SLC39A9: variants seen among roughly 807,000 people sequenced by gnomAD.
The protein encoded by SLC39A9 is zinc transporter ZIP9.
SLC39A9 carries 14 observed loss-of-function variants against 28.4 expected under a neutral mutation model. The ratio of observed to expected loss-of-function variants is 0.49; its 90% CI spans 0.33 to 0.77. SLC39A9 has a LOEUF of 0.77. Ranked by LOEUF, SLC39A9 falls within the 30% of genes least tolerant of loss-of-function variation. The pLI is 0.02. For missense variants in SLC39A9, 283 were observed against 381.1 expected (o/e 0.74, Z 2.14); for synonymous variants, 119 against 149.6 (o/e 0.80, Z 1.49).
At chr14:69,453,366 G>A (rs1249231066) in intron 4 of SLC39A9, 57 bp downstream of exon 4, 3 of 1,524,714 alleles carry the variant, frequency 2.0e-6, no homozygotes, top group African/African-American at 2.7e-5. Context: ...GGAGACCTTA[G>A]TGTTTATATT....
At chr14:69,426,501 G>A (rs1884198384) in intron 2 of SLC39A9, among the ~76,000 whole-genome samples, 1 of 152,202 alleles carries the variant, frequency 6.6e-6, no homozygotes, top group Admixed American at 6.5e-5. Flanking sequence ...CTGTGGAGTT[G>A]GGGTGCGCCA....
At position 69,461,793 on chromosome 14, in the gene SLC39A9, A is replaced by G; in HGVS notation, c.*3200A>G. The G allele has an allele frequency of 6.6e-7, 1 of 1,512,528 alleles. No homozygotes were observed. Among genetic ancestry groups the G allele is most frequent in the Non-Finnish European group, 8.8e-7 (1 of 1,130,276 alleles). The allele number at this position is 1,512,528 out of a possible 1,614,324, so 93.7% of individuals were successfully genotyped here. A position where few individuals can be genotyped will look rare whatever the true frequency, so the allele number is the denominator to read the frequency against. ...AACACAGGAACCGTATGACAGCAGC[A>G]CAAACCCCCAAAGGATGTTCCTGCC... is the stretch of plus-strand genomic sequence containing the variant. On this transcript the variant is annotated 3_prime_UTR_variant, in exon 7 of 7. Coordinates refer to ENST00000336643, the MANE Select transcript of SLC39A9 (RefSeq NM_018375.5).
intron 1 of SLC39A9, among the ~76,000 whole-genome samples, chr14:69,417,154 T>C (rs1404056381): frequency 6.6e-6 from 1 of 152,194 alleles, no homozygotes; most frequent in African/African-American, 2.4e-5. Context: ...TTGTATAAGG[T>C]GTAAGGAAGG....
At chr14:69,425,601 T>G (rs1372341336) in intron 2 of SLC39A9, among the ~76,000 whole-genome samples, 1 of 152,154 alleles carries the variant, frequency 6.6e-6, no homozygotes, top group African/African-American at 2.4e-5. Context: ...TGTGTTATTT[T>G]TAATATCAAT....
At chr14:69,422,362 C>CAGGT (rs555794795) in intron 1 of SLC39A9, among the ~76,000 whole-genome samples, 50 of 152,266 alleles carry the variant, frequency 3.3e-4, no homozygotes, top group African/African-American at 1.2e-3. Flanking sequence ...TCTGGGACAA[C>CAGGT]AGGTACGTAC....
At position 69,459,778 on chromosome 14, in the gene SLC39A9, C is replaced by G; in HGVS notation, c.*1185C>G. 1 of 985,328 alleles carries G rather than the reference C, an allele frequency of 1.0e-6. No individual in the cohort carries two copies. Among genetic ancestry groups the G allele is most frequent in the Non-Finnish European group, 1.2e-6 (1 of 829,910 alleles). The allele number at this position is 985,328 out of a possible 1,614,324, so 61.0% of individuals were successfully genotyped here. A position where few individuals can be genotyped will look rare whatever the true frequency, so the allele number is the denominator to read the frequency against. On this transcript the variant is annotated 3_prime_UTR_variant, in exon 7 of 7. Transcript: ENST00000336643. ...TTCTTCTAACTTTTCCCTCTAGCCTCTCCTCGCCACAATTTGCTGCTTACT... is the reference window on the plus strand; with the variant it reads ...TTCTTCTAACTTTTCCCTCTAGCCTGTCCTCGCCACAATTTGCTGCTTACT...
intron 1 of SLC39A9, among the ~76,000 whole-genome samples, chr14:69,413,280 C>T (rs1022178917): frequency 1.3e-5 from 2 of 151,774 alleles, no homozygotes; most frequent in Admixed American, 6.6e-5. Flanking sequence ...GGCATGAACC[C>T]GGGAGGTGGA....
chr14:69,452,003 A>C (rs1885634991), intron 3 of SLC39A9, among the ~76,000 whole-genome samples: 1 of 152,118 alleles, frequency 6.6e-6, no homozygotes, highest in African/African-American at 2.4e-5. Flanking sequence ...GGCATGAGCC[A>C]CCATGCTTAG....
intron 2 of SLC39A9, chr14:69,428,474 A>G (rs923088439): frequency 6.6e-6 from 1 of 152,474 alleles, no homozygotes; most frequent in Non-Finnish European, 1.5e-5. Context: ...CAACACAAAA[A>G]ATAGCCAACC....
intron 1 of SLC39A9, among the ~76,000 whole-genome samples, chr14:69,419,516 T>C (rs1025875694): frequency 2.6e-5 from 4 of 152,192 alleles, no homozygotes; most frequent in Non-Finnish European, 1.5e-5. Context: ...GTCTATTAGG[T>C]TGGCTTTGTG....
intron 2 of SLC39A9, among the ~76,000 whole-genome samples, chr14:69,437,787 C>T (rs1310082872): frequency 2.6e-5 from 4 of 151,838 alleles, no homozygotes; most frequent in African/African-American, 4.8e-5. Flanking sequence ...TGGGTTTCAC[C>T]ATCTTGGCCA....
chr14:69,438,632 A>G (rs1453852046), intron 2 of SLC39A9, among the ~76,000 whole-genome samples: 2 of 152,252 alleles, frequency 1.3e-5, no homozygotes, highest in Non-Finnish European at 2.9e-5. Context: ...AAGAACTTCA[A>G]AGATTGTTGG....
Position 69,458,393 on chromosome 14 carries a change from G to A in SLC39A9, c.724G>A (p.Ala242Thr), listed in dbSNP as rs754860059. The change falls in exon 7 of 7, where the codon GCC (alanine) becomes ACC (threonine). Residue 242 changes from alanine to threonine, a missense_variant. Ala to Thr is a moderately conservative substitution (Grantham distance 58). Coordinates refer to ENST00000336643, the MANE Select transcript of SLC39A9 (RefSeq NM_018375.5). ...SSKEALSEVN[A>T]TGVAMLFSAG... is the part of the protein sequence containing the mutation. ...TAAAGAAGCCCTTTCAGAGGTGAACGCCACGGGAGTGGCCATGCTTTTCTC... is the reference window on the plus strand; with the variant it reads ...TAAAGAAGCCCTTTCAGAGGTGAACACCACGGGAGTGGCCATGCTTTTCTC... 3.7e-6 allele frequency: 6 copies of A among 1,614,044 alleles called. No homozygotes were observed. The highest frequency in any genetic ancestry group is 2.7e-5 in the African/African-American group (2 of 74,926).
At chr14:69,398,488 T>A, upstream of SLC39A9, 1 of 590,090 alleles carries the variant, frequency 1.7e-6, no homozygotes. Flanking sequence ...AGAATTATTT[T>A]TTTTCAAGAC....
At chr14:69,441,828 C>T in intron 2 of SLC39A9, 1 of 1,223,948 alleles carries the variant, frequency 8.2e-7, no homozygotes, top group Non-Finnish European at 1.0e-6. Flanking sequence ...CTTCCACTTC[C>T]CAGGTGTTGA....
chr14:69,461,620 A>G lies in SLC39A9; in HGVS notation c.*3027A>G. On this transcript the variant is annotated 3_prime_UTR_variant, in exon 7 of 7. Coordinates refer to ENST00000336643, the MANE Select transcript of SLC39A9 (RefSeq NM_018375.5). ...TTTTGAGTTGTCCTTTCTTTGCAGA[A>G]AGGAGAAAATGTGATTGTGTTTTTT... The G allele has an allele frequency of 6.5e-7, 1 of 1,528,464 alleles. No individual in the cohort carries two copies. The highest frequency in any genetic ancestry group is 8.7e-7 in the Non-Finnish European group (1 of 1,144,090). The allele number at this position is 1,528,464 out of a possible 1,614,324, so 94.7% of individuals were successfully genotyped here.
At chr14:69,443,109 G>A (rs991135029) in intron 3 of SLC39A9, among the ~76,000 whole-genome samples, 2 of 152,086 alleles carry the variant, frequency 1.3e-5, no homozygotes, top group African/African-American at 2.4e-5. Context: ...TTTTTCATAC[G>A]ATTTATATTA....
intron 6 of SLC39A9, among the ~76,000 whole-genome samples, chr14:69,457,542 A>T (rs928878177): frequency 1.3e-5 from 2 of 151,884 alleles, no homozygotes; most frequent in South Asian, 4.2e-4. Flanking sequence ...CAACTACTGC[A>T]TCTTGATTAC....
chr14:69,439,051 C>A (rs935071727), intron 2 of SLC39A9, among the ~76,000 whole-genome samples: 5 of 152,036 alleles, frequency 3.3e-5, no homozygotes, highest in African/African-American at 4.8e-5. Context: ...ATTCCACACA[C>A]AAAAAAATTA....
Sources: gnomAD v4.1 joint callset for allele counts (sites outside exome capture counted in the v4.1 genomes callset) on GRCh38, gnomAD v4.1.1 for gene constraint, MANE v1.5 for transcripts, NCBI Gene and HGNC (gene_info 2026-07-23, HGNC 2026-07-21) for gene names.